SRRM4: variants seen among roughly 807,000 people sequenced by gnomAD.
SRRM4 encodes the protein serine/arginine repetitive matrix protein 4.
SRRM4 carries 33 observed loss-of-function variants against 68.9 expected under a neutral mutation model. That is an observed-to-expected ratio of 0.48 (90% CI 0.36 to 0.64). The LOEUF (loss-of-function observed/expected upper bound fraction) is 0.64, where lower values mean the gene tolerates loss of function less well. Ranked by LOEUF, SRRM4 falls within the 30% of genes least tolerant of loss-of-function variation. The probability of loss-of-function intolerance (pLI) is 0.00; values close to 1 mark genes in which losing one functional copy is unlikely to be tolerated. For missense variants in SRRM4, 817 were observed against 827.1 expected (o/e 0.99, Z 0.15); for synonymous variants, 318 against 318.8 (o/e 1.00, Z 0.03).
In SRRM4 at chr12:119,077,531, C is replaced by T. The variant is rs1244456187; in HGVS notation, c.132-24705C>T. ...GAGAGGATTAAATTTGTCATATTAG[C>T]TTAGCACAGTGCTGGGCATGTAATA... On this transcript the variant is annotated intron_variant, in intron 1 of 12. Coordinates refer to ENST00000267260, the MANE Select transcript of SRRM4 (RefSeq NM_194286.4). Among the ~76,000 whole-genome samples the T allele has an allele frequency of 2.6e-5, 4 of 152,240 alleles. No individual in the cohort carries two copies. The East Asian group carries it at 7.7e-4, about 29-fold the overall frequency.
At chr12:119,049,799 C>T (rs923412164) in intron 1 of SRRM4, among the ~76,000 whole-genome samples, 1 of 152,178 alleles carries the variant, frequency 6.6e-6, no homozygotes, top group African/African-American at 2.4e-5. Flanking sequence ...GGCTGCCTCA[C>T]TCTAGGTCTT....
Position 119,102,217 on chromosome 12 carries a change from C to T in SRRM4, c.132-19C>T, listed in dbSNP as rs770430561. 1.3e-5 allele frequency: 21 copies of T among 1,599,306 alleles called. No homozygotes were observed. The South Asian group carries it at 2.2e-4, about 17-fold the overall frequency. ...CTGTATATTCTAACACTTTTGTGTCCTTATTTCTTCTTCTGTAGGACAGAG... is the reference window on the plus strand; with the variant it reads ...CTGTATATTCTAACACTTTTGTGTCTTTATTTCTTCTTCTGTAGGACAGAG... On this transcript the variant is annotated intron_variant, in intron 1 of 12. Coordinates refer to ENST00000267260, the MANE Select transcript of SRRM4 (RefSeq NM_194286.4).
At chr12:119,126,014 C>CTTTTTTTTT (rs34680171) in intron 7 of SRRM4, among the ~76,000 whole-genome samples, 2 of 71,134 alleles carry the variant, frequency 2.8e-5, no homozygotes, top group African/African-American at 5.7e-5. Flanking sequence ...ATACTAGCTG[C>CTTTTTTTTT]TTTTTTTTTT....
In SRRM4 at chr12:119,063,836, T is replaced by C. The variant is rs57329504; in HGVS notation, c.132-38400T>C. Reference sequence around the variant, plus strand: ...CAAACACAAAATATAGTATCTATTCTCTTGTGAATGAAGATGGGAGAGACA... The same window carrying C: ...CAAACACAAAATATAGTATCTATTCCCTTGTGAATGAAGATGGGAGAGACA... On this transcript the variant is annotated intron_variant, in intron 1 of 12. Transcript: ENST00000267260. 2.2e-3 allele frequency among the ~76,000 whole-genome samples: 340 copies of C among 152,304 alleles called. 2 individuals carry two copies. The highest frequency in any genetic ancestry group is 7.9e-3 in the African/African-American group (329 of 41,574).
chr12:119,065,686 A>T (rs1409030936), intron 1 of SRRM4, among the ~76,000 whole-genome samples: 2 of 152,222 alleles, frequency 1.3e-5, no homozygotes, highest in African/African-American at 4.8e-5. Context: ...AGGGAGGCAG[A>T]GGTTGCAGTG....
intron 6 of SRRM4, among the ~76,000 whole-genome samples, chr12:119,122,787 A>C (rs902621763): frequency 1.3e-5 from 2 of 152,118 alleles, no homozygotes; most frequent in Non-Finnish European, 2.9e-5. Flanking sequence ...TTACCTGTGC[A>C]TGGGTGGTCA....
intron 1 of SRRM4, among the ~76,000 whole-genome samples, chr12:119,069,271 A>T (rs1299406736): frequency 6.6e-6 from 1 of 152,142 alleles, no homozygotes; most frequent in Non-Finnish European, 1.5e-5. Context: ...CTTTTTATAA[A>T]TACAGATGCT....
intron 9 of SRRM4, among the ~76,000 whole-genome samples, chr12:119,148,491 A>C (rs899084880): frequency 1.3e-5 from 2 of 152,206 alleles, no homozygotes; most frequent in Non-Finnish European, 2.9e-5. Context: ...AACAACAATA[A>C]TAACGGCAGT....
intron 1 of SRRM4, among the ~76,000 whole-genome samples, chr12:119,074,568 G>C (rs928200569): frequency 3.9e-5 from 6 of 152,298 alleles, no homozygotes; most frequent in Middle Eastern, 3.4e-3. Context: ...AAGAGGAAAA[G>C]AGTAGGTATC....
chr12:119,005,641 C>G (rs957564285), intron 1 of SRRM4, among the ~76,000 whole-genome samples: 1 of 152,168 alleles, frequency 6.6e-6, no homozygotes, highest in Non-Finnish European at 1.5e-5. Flanking sequence ...TTAGAGCTAA[C>G]GGTGAAACCT....
intron 1 of SRRM4, among the ~76,000 whole-genome samples, chr12:119,101,801 TGAGAAAAGAA>T (rs1954079169): frequency 6.6e-6 from 1 of 152,122 alleles, no homozygotes; most frequent in African/African-American, 2.4e-5. Context: ...CATTATGTCT[TGAGAAAAGAA>T]ATGAAATGCT....
chr12:119,085,199 G>A (rs1353180957), intron 1 of SRRM4, among the ~76,000 whole-genome samples: 4 of 152,198 alleles, frequency 2.6e-5, no homozygotes, highest in Non-Finnish European at 5.9e-5. Flanking sequence ...ACTGAGGCTG[G>A]CCAATGCCAT....
chr12:119,143,716 T>C (rs1270199589), intron 8 of SRRM4, among the ~76,000 whole-genome samples: 1 of 152,132 alleles, frequency 6.6e-6, no homozygotes, highest in Non-Finnish European at 1.5e-5. Flanking sequence ...ACTTGAAGCA[T>C]GGTCTACCTG....
intron 4 of SRRM4, among the ~76,000 whole-genome samples, chr12:119,118,516 C>T (rs1214996715): frequency 1.3e-5 from 2 of 152,216 alleles, no homozygotes; most frequent in Non-Finnish European, 2.9e-5. Context: ...CAACCACCTG[C>T]CCAGACTTCC....
intron 9 of SRRM4, among the ~76,000 whole-genome samples, chr12:119,150,119 C>A (rs1954429151): frequency 6.6e-6 from 1 of 152,266 alleles, no homozygotes; most frequent in South Asian, 2.1e-4. Context: ...TTAATAAACT[C>A]ATTTTTAATA....
chr12:119,160,277 GTCTCTCTCTCTGTCTC>G lies in SRRM4; in HGVS notation c.*3491_*3506del, dbSNP rs1204960805. 7.8e-3 allele frequency: 1,026 copies of G among 131,062 alleles called. 12 individuals carry two copies. The highest frequency in any genetic ancestry group is 0.027 in the African/African-American group (943 of 34,404). 8.1% of individuals were successfully genotyped at this position (131,062 alleles called of 1,614,324 possible). On this transcript the variant is annotated 3_prime_UTR_variant, in exon 13 of 13. Transcript: ENST00000267260. ...TCTCTCTCTCTCTGTCTCTCTCTCT[GTCTCTCTCTCTGTCTC>G]TCTCTCTCTCTCTCTCTCTCTCTCT...
chr12:119,148,086 T>C (rs1278615783), intron 9 of SRRM4, among the ~76,000 whole-genome samples: 1 of 152,228 alleles, frequency 6.6e-6, no homozygotes, highest in Non-Finnish European at 1.5e-5. Context: ...TGGTGCCCTC[T>C]GTCATGCTAA....
chr12:119,129,798 T>C (rs1954282351), intron 7 of SRRM4, among the ~76,000 whole-genome samples: 1 of 152,170 alleles, frequency 6.6e-6, no homozygotes, highest in Non-Finnish European at 1.5e-5. Context: ...GATGAATAGA[T>C]TGTTGGTTAG....
chr12:119,033,827 A>T (rs1415572148), intron 1 of SRRM4, among the ~76,000 whole-genome samples: 2 of 152,242 alleles, frequency 1.3e-5, no homozygotes, highest in African/African-American at 4.8e-5. Context: ...TTAGCAGCAC[A>T]TATTAATAAA....
Sources: gnomAD v4.1 joint callset for allele counts (sites outside exome capture counted in the v4.1 genomes callset) on GRCh38, gnomAD v4.1.1 for gene constraint, MANE v1.5 for transcripts, NCBI Gene and HGNC (gene_info 2026-07-23, HGNC 2026-07-21) for gene names.